Variants in ZNF710 observed in about 807,000 individuals in gnomAD.
ZNF710 encodes the protein zinc finger protein 710.
Under a neutral mutation model 50.6 loss-of-function variants are expected in ZNF710, and 13 were observed. The observed-to-expected ratio is 0.26, with a 90% CI of 0.17 to 0.41. ZNF710 has a LOEUF of 0.41. ZNF710 is among the 10% of genes least tolerant of loss of function. The probability of loss-of-function intolerance (pLI) is 1.00; values close to 1 mark genes in which losing one functional copy is unlikely to be tolerated. For missense variants in ZNF710, 721 were observed against 936.6 expected (o/e 0.77, Z 3.01); for synonymous variants, 383 against 397.0 (o/e 0.96, Z 0.42).
At chr15:90,055,880 C>T (rs1899797383) in intron 1 of ZNF710, among the ~76,000 whole-genome samples, 1 of 152,048 alleles carries the variant, frequency 6.6e-6, no homozygotes, top group South Asian at 2.1e-4. Context: ...TTTGGGAGGC[C>T]GAGGCAGGTG....
At chr15:90,079,402 G>A (rs1900668344) in intron 4 of ZNF710, among the ~76,000 whole-genome samples, 1 of 152,194 alleles carries the variant, frequency 6.6e-6, no homozygotes, top group South Asian at 2.1e-4. Context: ...GGCCAGGCCT[G>A]CAGTTCTCCA....
intron 1 of ZNF710, among the ~76,000 whole-genome samples, chr15:90,007,214 G>A (rs1167419806): frequency 6.6e-6 from 1 of 152,176 alleles, no homozygotes; most frequent in Non-Finnish European, 1.5e-5. Context: ...AGGGTCAAAA[G>A]GGCTTTGGGG....
At chr15:90,075,189 A>G (rs1362203433) in intron 4 of ZNF710, 1 of 152,498 alleles carries the variant, frequency 6.6e-6, no homozygotes, top group African/African-American at 2.4e-5. Flanking sequence ...GGGAGCCAAC[A>G]GCGCTACAGG....
intron 1 of ZNF710, among the ~76,000 whole-genome samples, chr15:90,030,350 A>AAAAAG (rs1898901582): frequency 6.6e-6 from 1 of 150,652 alleles, no homozygotes; most frequent in African/African-American, 2.5e-5. Flanking sequence ...AAAAAAAAAA[A>AAAAAG]AAAGAAAGAA....
chr15:90,046,517 A>G lies in ZNF710; in HGVS notation c.-28-20593A>G, dbSNP rs537042657. Among the ~76,000 whole-genome samples the G allele has an allele frequency of 7.9e-5, 12 of 152,198 alleles. 1 individual carries two copies. The highest frequency in any genetic ancestry group is 2.9e-4 in the African/African-American group (12 of 41,536). On this transcript the variant is annotated intron_variant, in intron 1 of 4. Transcript: ENST00000268154. The stretch of plus-strand genomic sequence containing the variant: ...GCGGAGGGACGAGTCAGTGCCAGGT[A>G]TGGAGGGCGGCAGGAGAAGGAAGGG...
Position 90,081,941 on chromosome 15 carries a change from TCA to T in ZNF710, c.*2115_*2116del, listed in dbSNP as rs1249605258. 1 of 152,340 alleles carries T rather than the reference TCA, an allele frequency of 6.6e-6. No individual in the cohort carries two copies. The highest frequency in any genetic ancestry group is 2.4e-5 in the African/African-American group (1 of 41,434). 9.4% of individuals were successfully genotyped at this position (152,340 alleles called of 1,614,324 possible). ...AGCTAGGAGGAGGAAACAGCACAAC[TCA>T]CAGTTTGAGCTGGGGGGTGGTCTTG... is the stretch of plus-strand genomic sequence containing the variant. On this transcript the variant is annotated 3_prime_UTR_variant, in exon 5 of 5. Transcript: ENST00000268154.
At chr15:90,045,531 G>A (rs1181780311) in intron 1 of ZNF710, among the ~76,000 whole-genome samples, 8 of 152,068 alleles carry the variant, frequency 5.3e-5, no homozygotes, top group African/African-American at 1.2e-4. Context: ...CCCAGGGGCC[G>A]CTGGGATGCA....
intron 1 of ZNF710, among the ~76,000 whole-genome samples, chr15:90,049,487 G>A (rs755570804): frequency 2.0e-5 from 3 of 152,094 alleles, no homozygotes; most frequent in Non-Finnish European, 2.9e-5. Context: ...AGTCACTTTC[G>A]CCCTTGGGTC....
intron 1 of ZNF710, among the ~76,000 whole-genome samples, chr15:90,056,608 T>C (rs1899827290): frequency 6.6e-6 from 1 of 152,160 alleles, no homozygotes; most frequent in South Asian, 2.1e-4. Context: ...CATCCTGCCA[T>C]GGGAGAGCCA....
intron 1 of ZNF710, chr15:90,025,925 A>T (rs897023545): frequency 6.6e-6 from 1 of 152,226 alleles, no homozygotes; most frequent in Non-Finnish European, 1.5e-5. Context: ...AGAATGCCAC[A>T]TACCCAAACC....
At chr15:90,020,743 G>A (rs781408660) in intron 1 of ZNF710, among the ~76,000 whole-genome samples, 2 of 152,134 alleles carry the variant, frequency 1.3e-5, no homozygotes, top group Non-Finnish European at 2.9e-5. Context: ...TGTCATTTTA[G>A]CCCCGTTATC....
At position 90,079,767 on chromosome 15, in the gene ZNF710, G is replaced by T; in HGVS notation, c.1933G>T (p.Ala645Ser). The T allele has an allele frequency of 2.5e-6, 4 of 1,613,110 alleles. No homozygotes were observed. Among genetic ancestry groups the T allele is most frequent in the Non-Finnish European group, 2.5e-6 (3 of 1,179,690 alleles). ...AYSYASVDSSAEASVLTEQAM... is the reference protein window; with the variant it reads ...AYSYASVDSSSEASVLTEQAM... ...CAGCTATGCGAGCGTGGACAGCAGC[G>T]CCGAGGCCAGTGTCCTCACTGAACA... The change falls in exon 5 of 5, where the codon GCC becomes TCC. Residue 645 changes from alanine (A) to serine (S), a missense_variant. Ala to Ser is a moderately conservative substitution (Grantham distance 99). Coordinates refer to ENST00000268154, the MANE Select transcript of ZNF710 (RefSeq NM_198526.4).
chr15:90,057,619 G>A (rs7163501), intron 1 of ZNF710, among the ~76,000 whole-genome samples: 2 of 151,400 alleles, frequency 1.3e-5, no homozygotes, highest in Admixed American at 1.3e-4. Flanking sequence ...ATCGCTTGAA[G>A]CCAGAAGGTG....
At chr15:90,000,864 G>A (rs113987380), upstream of ZNF710, among the ~76,000 whole-genome samples, 2,440 of 152,258 alleles carry the variant, frequency 0.016, 41 homozygotes, top group South Asian at 0.061. Context: ...CCCTTGGGGG[G>A]GGCGGGGCGC....
At chr15:90,031,983 G>A (rs1030442412) in intron 1 of ZNF710, among the ~76,000 whole-genome samples, 1 of 152,206 alleles carries the variant, frequency 6.6e-6, no homozygotes, top group African/African-American at 2.4e-5. Context: ...ATTATATTGT[G>A]TACTGAGTAT....
At chr15:90,019,187 CTTTT>C (rs11285838) in intron 1 of ZNF710, among the ~76,000 whole-genome samples, 1 of 89,386 alleles carries the variant, frequency 1.1e-5, no homozygotes, top group Non-Finnish European at 2.1e-5. Flanking sequence ...CTTTTTCTTT[CTTTT>C]TTTTTTTTTT....
chr15:90,009,010 G>A (rs1179187584), intron 1 of ZNF710, among the ~76,000 whole-genome samples: 2 of 152,120 alleles, frequency 1.3e-5, no homozygotes, highest in Non-Finnish European at 2.9e-5. Flanking sequence ...GAATCGAAAT[G>A]AAGTTAGAAT....
At chr15:90,006,287 C>G (rs921611946) in intron 1 of ZNF710, among the ~76,000 whole-genome samples, 1 of 152,130 alleles carries the variant, frequency 6.6e-6, no homozygotes, top group Admixed American at 6.6e-5. Flanking sequence ...GTTTAGTTGG[C>G]ATATATTTGA....
intron 4 of ZNF710, 64 bp from the exon 5 acceptor site, chr15:90,079,596 C>T (rs1900672676): frequency 7.0e-6 from 11 of 1,581,416 alleles, no homozygotes; most frequent in African/African-American, 1.4e-5. Context: ...CAGCTTCCTG[C>T]GTGGGGGTGA....
Sources: allele counts gnomAD v4.1 joint callset (sites outside exome capture counted in the v4.1 genomes callset), GRCh38; gene constraint gnomAD v4.1.1; transcripts MANE v1.5; gene names NCBI Gene and HGNC (gene_info 2026-07-23, HGNC 2026-07-21).